TMEM178B: variants seen among roughly 807,000 people sequenced by gnomAD.
TMEM178B encodes transmembrane protein 178B.
In TMEM178B, 5 loss-of-function variants were observed where a neutral mutation model predicts 31.0. The ratio of observed to expected loss-of-function variants is 0.16; its 90% confidence interval spans 0.08 to 0.34. The LOEUF is 0.34. Ranked by LOEUF, TMEM178B falls within the 10% of genes least tolerant of loss-of-function variation. TMEM178B has a pLI of 1.00. For synonymous variants in TMEM178B, 164 were observed against 164.0 expected (o/e 1.00, Z 0.00); for missense variants, 275 against 400.3 (o/e 0.69, Z 2.67).
chr7:141,084,947 C>T (rs781268660), intron 1 of TMEM178B, among the ~76,000 whole-genome samples: 2 of 151,924 alleles, frequency 1.3e-5, no homozygotes, highest in East Asian at 1.9e-4. Flanking sequence ...GGCACGATCT[C>T]GGCTCATCGC....
intron 2 of TMEM178B, among the ~76,000 whole-genome samples, chr7:141,218,051 C>A (rs1225107461): frequency 6.6e-6 from 1 of 151,476 alleles, no homozygotes; most frequent in Non-Finnish European, 1.5e-5. Context: ...GAGACGATTT[C>A]CCCTCCGAGA....
chr7:141,223,479 C>CT (rs10680431), intron 2 of TMEM178B, among the ~76,000 whole-genome samples: 2,841 of 131,118 alleles, frequency 0.022, 95 homozygotes, highest in African/African-American at 0.06. Flanking sequence ...TGTTTTCACT[C>CT]TTTTTTTTTT....
At chr7:141,358,553 A>T (rs1462926900) in intron 2 of TMEM178B, among the ~76,000 whole-genome samples, 4 of 152,148 alleles carry the variant, frequency 2.6e-5, no homozygotes, top group Non-Finnish European at 5.9e-5. Context: ...GTATACATGA[A>T]CTTCCAACCC....
At chr7:141,184,827 G>A (rs1035383678) in intron 1 of TMEM178B, among the ~76,000 whole-genome samples, 3 of 152,100 alleles carry the variant, frequency 2.0e-5, no homozygotes, top group African/African-American at 7.2e-5. Context: ...TTTCCTGGCC[G>A]ACTCATTGAT....
intron 2 of TMEM178B, among the ~76,000 whole-genome samples, chr7:141,289,130 T>C (rs375510688): frequency 1.3e-5 from 2 of 152,274 alleles, no homozygotes; most frequent in South Asian, 2.1e-4. Flanking sequence ...AAGGATGAAG[T>C]CCAGCATCAT....
At chr7:141,190,586 C>T (rs1017969757) in intron 1 of TMEM178B, among the ~76,000 whole-genome samples, 3 of 152,094 alleles carry the variant, frequency 2.0e-5, no homozygotes, top group Non-Finnish European at 4.4e-5. Flanking sequence ...GTTCGGATTA[C>T]AGGCAGGAGC....
chr7:141,246,787 G>A (rs375614395), intron 2 of TMEM178B, among the ~76,000 whole-genome samples: 3 of 152,084 alleles, frequency 2.0e-5, no homozygotes, highest in Admixed American at 2.0e-4. Context: ...AGTACAGAAG[G>A]GCCTGAGTGC....
intron 2 of TMEM178B, chr7:141,297,156 G>A (rs993629607): frequency 2.0e-5 from 3 of 152,184 alleles, no homozygotes; most frequent in African/African-American, 7.2e-5. Flanking sequence ...ACAACTCTAA[G>A]GGGCAGTGCC....
chr7:141,170,222 A>G (rs1353936823), intron 1 of TMEM178B, among the ~76,000 whole-genome samples: 1 of 152,136 alleles, frequency 6.6e-6, no homozygotes, highest in Non-Finnish European at 1.5e-5. Context: ...TCATATTGTT[A>G]TTCATATGTT....
intron 2 of TMEM178B, among the ~76,000 whole-genome samples, chr7:141,317,966 C>A (rs188468479): frequency 2.6e-5 from 4 of 152,104 alleles, no homozygotes. Flanking sequence ...TGTCTACCAC[C>A]TAATGTTTAT....
chr7:141,302,264 A>G (rs1798740798), intron 2 of TMEM178B, among the ~76,000 whole-genome samples: 1 of 152,250 alleles, frequency 6.6e-6, no homozygotes, highest in Admixed American at 6.5e-5. Flanking sequence ...TTAAAAAGGA[A>G]GGAAATTATG....
At chr7:141,166,783 C>G (rs1416971911) in intron 1 of TMEM178B, among the ~76,000 whole-genome samples, 1 of 152,182 alleles carries the variant, frequency 6.6e-6, no homozygotes, top group Non-Finnish European at 1.5e-5. Flanking sequence ...GAGAAAAGAC[C>G]AAGGACAGCT....
chr7:141,198,506 C>A (rs1041249154), intron 1 of TMEM178B, among the ~76,000 whole-genome samples: 2 of 152,236 alleles, frequency 1.3e-5, no homozygotes, highest in African/African-American at 4.8e-5. Flanking sequence ...TCCTTTAGGA[C>A]AACTGCCTCA....
chr7:141,468,933 A>G (rs967798323), intron 3 of TMEM178B, among the ~76,000 whole-genome samples: 4 of 152,198 alleles, frequency 2.6e-5, no homozygotes, highest in African/African-American at 9.7e-5. Context: ...TAGGGCACGA[A>G]GAAGCTGGCC....
intron 2 of TMEM178B, among the ~76,000 whole-genome samples, chr7:141,319,165 G>A (rs1436918320): frequency 6.6e-6 from 1 of 152,144 alleles, no homozygotes; most frequent in Non-Finnish European, 1.5e-5. Context: ...GAAATAAATT[G>A]GCTTTTAACG....
intron 2 of TMEM178B, among the ~76,000 whole-genome samples, chr7:141,358,971 A>G (rs1052146875): frequency 2.0e-5 from 3 of 152,198 alleles, no homozygotes; most frequent in Non-Finnish European, 4.4e-5. Context: ...ACTCTTGTAC[A>G]GACAGTTCAT....
At chr7:141,464,370 T>G (rs1802114204) in intron 3 of TMEM178B, among the ~76,000 whole-genome samples, 2 of 152,148 alleles carry the variant, frequency 1.3e-5, no homozygotes, top group African/African-American at 4.8e-5. Flanking sequence ...GAGGGAACCT[T>G]ACAGTCCTCT....
intron 2 of TMEM178B, among the ~76,000 whole-genome samples, chr7:141,382,856 T>A (rs1328600392): frequency 6.6e-6 from 1 of 152,224 alleles, no homozygotes; most frequent in Non-Finnish European, 1.5e-5. Context: ...GGGGTGTTCC[T>A]TTATATCTCT....
chr7:141,406,301 G>A (rs1015170202), intron 2 of TMEM178B, among the ~76,000 whole-genome samples: 12 of 152,196 alleles, frequency 7.9e-5, no homozygotes, highest in African/African-American at 2.9e-4. Flanking sequence ...CCACTGCCCT[G>A]AGTGTGAGGA....
Sources: gnomAD v4.1 joint callset for allele counts (sites outside exome capture counted in the v4.1 genomes callset) on GRCh38, gnomAD v4.1.1 for gene constraint, MANE v1.5 for transcripts, NCBI Gene and HGNC (gene_info 2026-07-23, HGNC 2026-07-21) for gene names.